The following DPYSL2 variants were observed in gnomAD, a reference collection of about 807,000 sequenced individuals.
The protein encoded by DPYSL2 is dihydropyrimidinase-related protein 2.
A neutral mutation model predicts 69.9 loss-of-function variants in DPYSL2; 13 were observed. The ratio of observed to expected loss-of-function variants is 0.19; its 90% CI spans 0.12 to 0.30. The LOEUF is 0.30. Ranked by LOEUF, DPYSL2 falls within the 10% of genes least tolerant of loss-of-function variation. The pLI is 1.00. For synonymous variants in DPYSL2, 326 were observed against 359.1 expected, an observed-to-expected ratio of 0.91 and a Z score of 1.04; for missense variants, 587 against 918.9, an observed-to-expected ratio of 0.64 and a Z score of 4.67.
chr8:26,578,418 A>G (rs968121836), intron 1 of DPYSL2: 1 of 1,554,356 alleles, frequency 6.4e-7, no homozygotes, highest in Non-Finnish European at 8.6e-7. Context: ...TTCTGTTGCT[A>G]ACGGAGGCGA....
chr8:26,622,137 CCTTCCTTCCTTCCT>C (rs1802500244), intron 3 of DPYSL2, among the ~76,000 whole-genome samples: 1 of 54,188 alleles, frequency 1.8e-5, no homozygotes. Context: ...TTCCTTCCTT[CCTTCCTTCCTTCCT>C]TCCTTCCCTC....
chr8:26,549,564 G>A (rs762607616), intron 1 of DPYSL2, among the ~76,000 whole-genome samples: 26 of 152,116 alleles, frequency 1.7e-4, no homozygotes, highest in Non-Finnish European at 2.6e-4. Context: ...GGTACAGGAA[G>A]CTCAGAGAAC....
At position 26,562,789 on chromosome 8, in the gene DPYSL2, T is replaced by A. The variant is rs972841568; in HGVS notation, c.355-19180T>A. Among the ~76,000 whole-genome samples, 8 of 152,168 alleles carry A rather than the reference T, an allele frequency of 5.3e-5. No individual in the cohort carries two copies. The highest frequency in any genetic ancestry group is 8.8e-5 in the Non-Finnish European group (6 of 68,030). Reference sequence around the variant, plus strand: ...TAGAGCAGGGATATGTTGTCTCTGCTCCACGATGTCTAGGGCCGTATCTGG... The same window carrying A: ...TAGAGCAGGGATATGTTGTCTCTGCACCACGATGTCTAGGGCCGTATCTGG... On this transcript the variant is annotated intron_variant, in intron 1 of 13. Coordinates refer to ENST00000521913, the MANE Select transcript of DPYSL2 (RefSeq NM_001197293.3). This position sits in a 1 kb window ranked among gnomAD's most constrained non-coding sequence, Gnocchi z 4.9.
chr8:26,520,808 A>T (rs1808372786), intron 1 of DPYSL2, among the ~76,000 whole-genome samples: 2 of 152,206 alleles, frequency 1.3e-5, no homozygotes. Flanking sequence ...TAAGATCAAT[A>T]TGCTGGCAGA....
At chr8:26,534,828 G>A (rs1800566041) in intron 1 of DPYSL2, among the ~76,000 whole-genome samples, 1 of 151,432 alleles carries the variant, frequency 6.6e-6, no homozygotes, top group African/African-American at 2.4e-5. Flanking sequence ...GTTGAGATGG[G>A]GTCTATGTTG....
Position 26,647,840 on chromosome 8 carries a change from TAC to T in DPYSL2, c.1596+42_1596+43del, listed in dbSNP as rs1485202330. On this transcript the variant is annotated intron_variant, in intron 11 of 13. Coordinates refer to ENST00000521913, the MANE Select transcript of DPYSL2 (RefSeq NM_001197293.3). The surrounding 1 kb of genome is among the most constrained non-coding windows in gnomAD (Gnocchi z 5.1). The stretch of plus-strand genomic sequence containing the variant: ...CTGTGCAGACCCCATCCAAACGAAT[TAC>T]AGTCACAGAGACACAGACGGAGGGA... 5 of 1,565,710 alleles carry T rather than the reference TAC, an allele frequency of 3.2e-6. No individual in the cohort carries two copies. In the African/African-American group the frequency reaches 4.1e-5, roughly 13 times the overall value.
chr8:26,592,561 C>T (rs892776008), intron 3 of DPYSL2, among the ~76,000 whole-genome samples: 4 of 151,672 alleles, frequency 2.6e-5, no homozygotes, highest in African/African-American at 9.7e-5. Flanking sequence ...CTGCAACCTC[C>T]ACCTCCCAGG....
In DPYSL2 at chr8:26,647,846, C is replaced by T. The variant is rs1217880937; in HGVS notation, c.1596+46C>T. Reference sequence around the variant, plus strand: ...AGACCCCATCCAAACGAATTACAGTCACAGAGACACAGACGGAGGGAGAGC... The same window carrying T: ...AGACCCCATCCAAACGAATTACAGTTACAGAGACACAGACGGAGGGAGAGC... On this transcript the variant is annotated intron_variant, in intron 11 of 13. Coordinates refer to ENST00000521913, the MANE Select transcript of DPYSL2 (RefSeq NM_001197293.3). This position sits in a 1 kb window ranked among gnomAD's most constrained non-coding sequence, Gnocchi z 5.1. 6.4e-7 allele frequency: 1 copy of T among 1,554,548 alleles called. No individual in the cohort carries two copies.
Position 26,626,745 on chromosome 8 carries a change from G to A in DPYSL2, c.855+67G>A. The A allele has an allele frequency of 1.3e-6, 2 of 1,528,898 alleles. No homozygotes were observed. Among genetic ancestry groups the A allele is most frequent in the Non-Finnish European group, 1.8e-6 (2 of 1,106,278 alleles). 94.7% of individuals were successfully genotyped at this position (1,528,898 alleles called of 1,614,324 possible). ...GTACCTTCAGGCTGTGGCCGTTTGG[G>A]AAAGCAGTCTCCGATGTATGCATGT... On this transcript the variant is annotated intron_variant, in intron 5 of 13. Coordinates refer to ENST00000521913, the MANE Select transcript of DPYSL2 (RefSeq NM_001197293.3). This position sits in a 1 kb window ranked among gnomAD's most constrained non-coding sequence, Gnocchi z 4.3.
Position 26,643,993 on chromosome 8 carries a change from A to G in DPYSL2, c.1327A>G (p.Thr443Ala). Residue 443 changes from threonine (T) to alanine (A), a missense_variant, in exon 10 of 14, where the codon ACT becomes GCT. Physicochemically the swap from Thr to Ala is moderately conservative, Grantham distance 58. This residue lies in a region of DPYSL2 where 452 missense variants were observed against 754.3 expected (regional missense o/e 0.60). Transcript: ENST00000521913. The surrounding 1 kb of genome is among the most constrained non-coding windows in gnomAD (Gnocchi z 6.5). The stretch of plus-strand genomic sequence containing the variant: ...GGGCAGTGCCCATTGCACGTTTAAC[A>G]CTGCCCAGAAGGCTGTAGGAAAGGA... ...VTGSAHCTFN[T>A]AQKAVGKDNF... is the part of the protein sequence containing the mutation. The G allele has an allele frequency of 6.2e-7, 1 of 1,614,210 alleles. No homozygotes were observed. Among genetic ancestry groups the G allele is most frequent in the Non-Finnish European group, 8.5e-7 (1 of 1,180,024 alleles).
At chr8:26,529,635 C>T (rs1332023122) in intron 1 of DPYSL2, among the ~76,000 whole-genome samples, 4 of 151,830 alleles carry the variant, frequency 2.6e-5, no homozygotes, top group Middle Eastern at 3.4e-3. Flanking sequence ...CTTTTAAAAA[C>T]TTGATGCATG....
rs1486219168 is a variant in DPYSL2, at chr8:26,597,813, A to G, written c.628+13830A>G. ...TTTTTTTTGAGGGGCAGAGACAAGG[A>G]GGAAGATCAGACAATTTCTCAGAGT... On this transcript the variant is annotated intron_variant, in intron 3 of 13. Coordinates refer to ENST00000521913, the MANE Select transcript of DPYSL2 (RefSeq NM_001197293.3). The surrounding 1 kb of genome is among the most constrained non-coding windows in gnomAD (Gnocchi z 5.2). 6.9e-5 allele frequency among the ~76,000 whole-genome samples: 9 copies of G among 130,224 alleles called. No individual in the cohort carries two copies. The highest frequency in any genetic ancestry group is 2.6e-4 in the African/African-American group (9 of 34,338). The allele number at this position is 130,224 out of a possible 152,430, so 85.4% of individuals were successfully genotyped here. A position where few individuals can be genotyped will look rare whatever the true frequency, so the allele number is the denominator to read the frequency against.
chr8:26,549,200 T>TTAATAATAATAATAATAATAA lies in DPYSL2; in HGVS notation c.355-32761_355-32741dup, dbSNP rs57336957. Among the ~76,000 whole-genome samples the TTAATAATAATAATAATAATAA allele has an allele frequency of 1.2e-4, 18 of 146,398 alleles. 1 individual carries two copies. The highest frequency in any genetic ancestry group is 6.1e-4 in the Admixed American group (9 of 14,692). On this transcript the variant is annotated intron_variant, in intron 1 of 13. Coordinates refer to ENST00000521913, the MANE Select transcript of DPYSL2 (RefSeq NM_001197293.3). ...GGAAGACTGTCTCAAAAAAATTAAG[T>TTAATAATAATAATAATAATAA]TAATAATAATAATAATAATAATAAT...
intron 1 of DPYSL2, among the ~76,000 whole-genome samples, chr8:26,569,735 C>G (rs1801209219): frequency 6.6e-6 from 1 of 152,084 alleles, no homozygotes; most frequent in African/African-American, 2.4e-5. Flanking sequence ...GGGCTGGCAT[C>G]AGGAGGGAGG....
At chr8:26,545,267 A>C (rs184736126) in intron 1 of DPYSL2, among the ~76,000 whole-genome samples, 1 of 152,186 alleles carries the variant, frequency 6.6e-6, no homozygotes, top group South Asian at 2.1e-4. Context: ...TAGGCCACAA[A>C]ATGAGTCTTA....
chr8:26,614,513 C>G lies in DPYSL2; in HGVS notation c.629-9630C>G, dbSNP rs996955953. On this transcript the variant is annotated intron_variant, in intron 3 of 13. Transcript: ENST00000521913. The surrounding 1 kb of genome is among the most constrained non-coding windows in gnomAD (Gnocchi z 4.9). ...AACTGGATTGTTGGCATTTTAAGGG[C>G]ACAGTTTGTATCTTCTACCTCTTTG... Among the ~76,000 whole-genome samples the G allele has an allele frequency of 2.0e-5, 3 of 152,122 alleles. No individual in the cohort carries two copies. Among genetic ancestry groups the G allele is most frequent in the African/African-American group, 7.2e-5 (3 of 41,436 alleles).
At position 26,564,732 on chromosome 8, in the gene DPYSL2, G is replaced by A. The variant is rs1474889548; in HGVS notation, c.355-17237G>A. Reference sequence around the variant, plus strand: ...GAAGTCTTCAGGGGAAGCTCTTCTGGAGTGATCTGTCCCAGTTTCTTTTTA... The same window carrying A: ...GAAGTCTTCAGGGGAAGCTCTTCTGAAGTGATCTGTCCCAGTTTCTTTTTA... On this transcript the variant is annotated intron_variant, in intron 1 of 13. Transcript: ENST00000521913. The surrounding 1 kb of genome is among the most constrained non-coding windows in gnomAD (Gnocchi z 4.8). Among the ~76,000 whole-genome samples the A allele has an allele frequency of 6.6e-6, 1 of 152,122 alleles. No homozygotes were observed. Among genetic ancestry groups the A allele is most frequent in the Non-Finnish European group, 1.5e-5 (1 of 68,026 alleles).
chr8:26,546,239 T>G (rs908069489), intron 1 of DPYSL2, among the ~76,000 whole-genome samples: 1 of 152,240 alleles, frequency 6.6e-6, no homozygotes, highest in Non-Finnish European at 1.5e-5. Flanking sequence ...AAGATTTCAT[T>G]TCGTGGGTGC....
At chr8:26,563,794 T>C (rs965414955) in intron 1 of DPYSL2, among the ~76,000 whole-genome samples, 8 of 152,346 alleles carry the variant, frequency 5.3e-5, no homozygotes, top group African/African-American at 1.9e-4. Flanking sequence ...GTAGGTTTTT[T>C]TACTATCATA....
Sources: allele counts gnomAD v4.1 joint callset (sites outside exome capture counted in the v4.1 genomes callset), GRCh38; gene constraint gnomAD v4.1.1; regional missense constraint gnomAD v4.1.1; non-coding constraint Gnocchi (gnomAD v3.1); transcripts MANE v1.5; gene names NCBI Gene and HGNC (gene_info 2026-07-23, HGNC 2026-07-21).